CPLX2: variants seen among roughly 807,000 people sequenced by gnomAD.
CPLX2 encodes the protein complexin-2.
A neutral mutation model predicts 16.3 loss-of-function variants in CPLX2; 5 were observed. The ratio of observed to expected loss-of-function variants is 0.31; its 90% CI spans 0.16 to 0.64. The LOEUF is 0.64. Among genes scored for constraint, CPLX2 ranks in the 30% least tolerant of loss-of-function variants. CPLX2 has a pLI of 0.79. For synonymous variants in CPLX2, 89 were observed against 73.2 expected, an observed-to-expected ratio of 1.22 and a Z score of -1.10; for missense variants, 144 against 181.4, an observed-to-expected ratio of 0.79 and a Z score of 1.18.
At chr5:175,832,048 C>T (rs1475106005) in intron 2 of CPLX2, among the ~76,000 whole-genome samples, 1 of 152,198 alleles carries the variant, frequency 6.6e-6, no homozygotes, top group Non-Finnish European at 1.5e-5. Context: ...TGTCTGTGCT[C>T]CTATTATTTC....
intron 2 of CPLX2, among the ~76,000 whole-genome samples, chr5:175,826,580 G>A (rs938828873): frequency 6.6e-6 from 1 of 152,194 alleles, no homozygotes; most frequent in Non-Finnish European, 1.5e-5. Flanking sequence ...GATGTTTGTG[G>A]CGGGTGAATG....
chr5:175,835,549 C>G (rs1758813387), intron 2 of CPLX2, among the ~76,000 whole-genome samples: 2 of 151,996 alleles, frequency 1.3e-5, no homozygotes, highest in South Asian at 4.1e-4. Context: ...ATGCAAAAAT[C>G]CTCACAAAAT....
chr5:175,841,287 T>C (rs945782079), intron 2 of CPLX2, among the ~76,000 whole-genome samples: 1 of 152,178 alleles, frequency 6.6e-6, no homozygotes. Context: ...GACACTCAGA[T>C]GCATAGTCAG....
upstream of CPLX2, chr5:175,871,410 G>GGAGAGAGA (rs72487413): frequency 1.4e-4 from 4 of 28,682 alleles, no homozygotes; most frequent in Non-Finnish European, 1.3e-4. Flanking sequence ...AAGAGAGAGA[G>GGAGAGAGA]GAGAGAGAGA....
Position 175,858,900 on chromosome 5 carries a change from G to A in CPLX2, c.-88-19752G>A, listed in dbSNP as rs1365029496. Among the ~76,000 whole-genome samples, 3 of 152,322 alleles carry A rather than the reference G, an allele frequency of 2.0e-5. No individual in the cohort carries two copies. The East Asian group carries it at 5.8e-4, about 29-fold the overall frequency. ...CACAGGGCAGCAGTGGAAGGGAAAG[G>A]GCAGAACCGGAGAAAGAAACAAGAT... On this transcript the variant is annotated intron_variant, in intron 2 of 4. Coordinates refer to the CPLX2 transcript ENST00000359546.
chr5:175,820,799 C>A (rs1374042319), intron 2 of CPLX2, among the ~76,000 whole-genome samples: 1 of 152,178 alleles, frequency 6.6e-6, no homozygotes, highest in African/African-American at 2.4e-5. Flanking sequence ...ATGGAGTTTC[C>A]TCTGCATTGA....
At chr5:175,841,743 G>C (rs1176521804) in intron 2 of CPLX2, among the ~76,000 whole-genome samples, 1 of 152,154 alleles carries the variant, frequency 6.6e-6, no homozygotes, top group Non-Finnish European at 1.5e-5. Context: ...TTGGCACAGT[G>C]GTTAGAAGCA....
chr5:175,875,632 A>G (rs1230342286), intron 1 of CPLX2, among the ~76,000 whole-genome samples: 1 of 152,206 alleles, frequency 6.6e-6, no homozygotes, highest in Non-Finnish European at 1.5e-5. Context: ...CTAACCTCAG[A>G]GCTCAGACCC....
intron 2 of CPLX2, among the ~76,000 whole-genome samples, chr5:175,863,823 G>A (rs1399531933): frequency 6.6e-6 from 1 of 152,156 alleles, no homozygotes; most frequent in Admixed American, 6.5e-5. Context: ...TCCCATTTTG[G>A]AGGACACAAA....
At chr5:175,833,582 A>C (rs975348911) in intron 2 of CPLX2, among the ~76,000 whole-genome samples, 2 of 152,194 alleles carry the variant, frequency 1.3e-5, no homozygotes, top group African/African-American at 4.8e-5. Context: ...CCTGGTATGC[A>C]ATAGGTCAAA....
chr5:175,878,506 C>T, intron 1 of CPLX2, 146 bp from the exon 2 acceptor site: 1 of 595,306 alleles, frequency 1.7e-6, no homozygotes, highest in East Asian at 2.8e-5. Context: ...CTTCCATCTC[C>T]TTTCTCCTCC....
chr5:175,823,223 G>A (rs1251784430), intron 2 of CPLX2, among the ~76,000 whole-genome samples: 1 of 152,212 alleles, frequency 6.6e-6, no homozygotes, highest in East Asian at 1.9e-4. Flanking sequence ...TGTCTTGCCT[G>A]TTGCTGTACA....
chr5:175,874,901 G>A (rs1759721649), intron 1 of CPLX2, among the ~76,000 whole-genome samples: 1 of 152,166 alleles, frequency 6.6e-6, no homozygotes, highest in African/African-American at 2.4e-5. Context: ...ACCTATCTGA[G>A]AAGTAGGATG....
upstream of CPLX2, among the ~76,000 whole-genome samples, chr5:175,869,663 C>G (rs1417949965): frequency 6.6e-6 from 1 of 152,138 alleles, no homozygotes; most frequent in Non-Finnish European, 1.5e-5. Context: ...GGGTTAATGC[C>G]CCCTCCGTGT....
At chr5:175,806,989 A>G (rs1758218903) in intron 1 of CPLX2, among the ~76,000 whole-genome samples, 1 of 152,086 alleles carries the variant, frequency 6.6e-6, no homozygotes, top group African/African-American at 2.4e-5. Context: ...AAGGATTGTG[A>G]CTGTGGGGGT....
intron 1 of CPLX2, among the ~76,000 whole-genome samples, chr5:175,801,990 GTC>G (rs1179225845): frequency 6.6e-6 from 1 of 152,188 alleles, no homozygotes; most frequent in Non-Finnish European, 1.5e-5. Context: ...ACTGGCAGGA[GTC>G]TCTGTCCTCC....
At position 175,882,599 on chromosome 5, in the gene CPLX2, G is replaced by A. The variant is rs1380935119; in HGVS notation, c.*2554G>A. 6.5e-6 allele frequency: 1 copy of A among 152,700 alleles called. No homozygotes were observed. Among genetic ancestry groups the A allele is most frequent in the African/African-American group, 2.4e-5 (1 of 41,470 alleles). The allele number at this position is 152,700 out of a possible 1,614,324, so 9.5% of individuals were successfully genotyped here. On this transcript the variant is annotated 3_prime_UTR_variant, in exon 4 of 4. Transcript: ENST00000393745. ...CCTCTGTATTCCCAGAGTGGGATCG[G>A]GGCTTTCAGCCCCACCCTGATGCCT...
chr5:175,860,440 GAGAA>G (rs755186889), intron 2 of CPLX2, among the ~76,000 whole-genome samples: 40 of 123,718 alleles, frequency 3.2e-4, no homozygotes, highest in Non-Finnish European at 5.3e-4. Flanking sequence ...AAGGAAGAAA[GAGAA>G]AGAAAGAGAG....
chr5:175,855,576 C>T (rs1759239203), intron 2 of CPLX2, among the ~76,000 whole-genome samples: 1 of 152,240 alleles, frequency 6.6e-6, no homozygotes, highest in Non-Finnish European at 1.5e-5. Context: ...TTCAGCCTCT[C>T]TCTGTCTATC....
Sources: gnomAD v4.1 joint callset for allele counts (sites outside exome capture counted in the v4.1 genomes callset) on GRCh38, gnomAD v4.1.1 for gene constraint, MANE v1.5 for transcripts, NCBI Gene and HGNC (gene_info 2026-07-23, HGNC 2026-07-21) for gene names.